The following PTPRS variants were observed in gnomAD, a reference collection of about 807,000 sequenced individuals.
PTPRS encodes the protein protein tyrosine phosphatase receptor type S, also known as receptor-type tyrosine-protein phosphatase S.
PTPRS carries 63 observed loss-of-function variants against 215.3 expected under a neutral mutation model. The ratio of observed to expected loss-of-function variants is 0.29; its 90% CI spans 0.24 to 0.36. PTPRS has a LOEUF of 0.36. PTPRS is among the 10% of genes least tolerant of loss of function. The pLI is 1.00. For synonymous variants in PTPRS, 1,404 were observed against 1,191.4 expected (o/e 1.18, Z -3.68); for missense variants, 2,258 against 2,825.8 (o/e 0.80, Z 4.56).
intron 12 of PTPRS, among the ~76,000 whole-genome samples, chr19:5,239,880 GGA>G (rs1346763826): frequency 2.0e-5 from 3 of 152,146 alleles, no homozygotes; most frequent in African/African-American, 7.2e-5. Context: ...CCGGAGGGAT[GGA>G]GAGTGAGCGT....
intron 1 of PTPRS, among the ~76,000 whole-genome samples, chr19:5,322,747 C>T (rs1030343876): frequency 4.0e-5 from 6 of 151,720 alleles, no homozygotes; most frequent in African/African-American, 1.5e-4. Context: ...GGCATGGTGG[C>T]GCACGCCTAT....
Position 5,295,260 on chromosome 19 carries a change from C to T in PTPRS, c.-94-9026G>A, listed in dbSNP as rs574802082. Among the ~76,000 whole-genome samples the T allele has an allele frequency of 3.2e-3, 486 of 152,350 alleles. 5 individuals carry two copies. Among genetic ancestry groups the T allele is most frequent in the African/African-American group, 0.011 (469 of 41,586 alleles). On this transcript the variant is annotated intron_variant, in intron 1 of 37. Coordinates refer to ENST00000262963, the MANE Select transcript of PTPRS (RefSeq NM_002850.4). This position sits in a 1 kb window ranked among gnomAD's most constrained non-coding sequence, Gnocchi z 4.6. ...GTCAGGAGGCTTGGGGCTGCATGAC[C>T]TGCAGCATACAGGCCTGGCTCTGGG... is the stretch of plus-strand genomic sequence containing the variant.
chr19:5,289,872 C>A (rs184382439), intron 1 of PTPRS, among the ~76,000 whole-genome samples: 5 of 152,282 alleles, frequency 3.3e-5, no homozygotes, highest in Admixed American at 3.3e-4. Context: ...CAGCCAGGAG[C>A]CCTACGTGGC....
Position 5,210,245 on chromosome 19 carries a change from A to G in PTPRS, c.5487+224T>C, listed in dbSNP as rs762606601. ...TCCTTGAATATCATCCCCTGGGGCC[A>G]TGTTCCCTAGTGAGTGGAGACACTG... On this transcript the variant is annotated intron_variant, in intron 35 of 37. Coordinates refer to ENST00000262963, the MANE Select transcript of PTPRS (RefSeq NM_002850.4). This position sits in a 1 kb window ranked among gnomAD's most constrained non-coding sequence, Gnocchi z 4.5. 6.6e-6 allele frequency among the ~76,000 whole-genome samples: 1 copy of G among 152,202 alleles called. No homozygotes were observed. The highest frequency in any genetic ancestry group is 1.5e-5 in the Non-Finnish European group (1 of 68,034).
At chr19:5,223,708 A>G (rs1361264637) in intron 17 of PTPRS, among the ~76,000 whole-genome samples, 1 of 150,892 alleles carries the variant, frequency 6.6e-6, no homozygotes, top group African/African-American at 2.4e-5. Flanking sequence ...GATTACAGGT[A>G]CACACCACCA....
chr19:5,308,472 A>G (rs915348157), intron 1 of PTPRS, among the ~76,000 whole-genome samples: 2 of 152,194 alleles, frequency 1.3e-5, no homozygotes, highest in African/African-American at 4.8e-5. Context: ...CAGTACATCC[A>G]CACGGAAGAG....
At chr19:5,269,838 C>T (rs1408284151) in intron 4 of PTPRS, among the ~76,000 whole-genome samples, 1 of 148,134 alleles carries the variant, frequency 6.8e-6, no homozygotes, top group Non-Finnish European at 1.5e-5. Flanking sequence ...GGAGAATTGC[C>T]TGAACCCAGG....
chr19:5,324,131 A>G (rs1213974715), intron 1 of PTPRS, among the ~76,000 whole-genome samples: 1 of 145,934 alleles, frequency 6.9e-6, no homozygotes, highest in Non-Finnish European at 1.5e-5. Context: ...CGGGAGGCTG[A>G]GGCAGGAGAA....
At chr19:5,253,758 G>A (rs1181929097) in intron 9 of PTPRS, among the ~76,000 whole-genome samples, 4 of 152,192 alleles carry the variant, frequency 2.6e-5, no homozygotes, top group Non-Finnish European at 5.9e-5. Flanking sequence ...GTGGACATGT[G>A]AAGTACATAA....
rs2040956452 is a variant in PTPRS at position 5,212,124 on chromosome 19, C to T, written c.4896G>A (p.Val1632=). The change falls in exon 32 of 38, where the codon GTG becomes GTA. Residue 1632 remains valine, a synonymous_variant. Transcript: ENST00000262963. Reference sequence around the variant, plus strand: ...TGAAGCTGTACTGGTCCTCCGTCTGCACCATGTAGTTGCGCTGGGACCTCA... The same window carrying T: ...TGAAGCTGTACTGGTCCTCCGTCTGTACCATGTAGTTGCGCTGGGACCTCA... The part of the protein sequence containing the change: ...TLMRSQRNYM[V]QTEDQYSFIH... The T allele has an allele frequency of 6.2e-6, 10 of 1,613,990 alleles. No homozygotes were observed. Among genetic ancestry groups the T allele is most frequent in the Non-Finnish European group, 8.5e-6 (10 of 1,180,056 alleles).
At chr19:5,306,169 G>A (rs2049487960) in intron 1 of PTPRS, among the ~76,000 whole-genome samples, 1 of 145,490 alleles carries the variant, frequency 6.9e-6, no homozygotes, top group Admixed American at 6.9e-5. Flanking sequence ...TTTTGAGACG[G>A]AGTCTCACTC....
rs549449179 is a variant in PTPRS at position 5,211,991 on chromosome 19, C to G, written c.5029G>C (p.Val1677Leu). Residue 1677 changes from valine to leucine, a missense_variant, in exon 32 of 38, where the codon GTC (valine) becomes CTC (leucine). Physicochemically the swap from Val to Leu is conservative, Grantham distance 32. This residue lies in a region of PTPRS where 927 missense variants were observed against 1,125.9 expected (regional missense o/e 0.82). Transcript: ENST00000262963. Reference protein sequence around the residue: ...KLAQVEPGEHVTGMELEFKRL... With the variant: ...KLAQVEPGEHLTGMELEFKRL... Reference sequence around the variant, plus strand: ...TTGAACTCGAGTTCCATGCCAGTGACGTGTTCGCCAGGCTCCACCTGGGCC... The same window carrying G: ...TTGAACTCGAGTTCCATGCCAGTGAGGTGTTCGCCAGGCTCCACCTGGGCC... 2 of 1,610,706 alleles carry G rather than the reference C, an allele frequency of 1.2e-6. No homozygotes were observed. Among genetic ancestry groups the G allele is most frequent in the Non-Finnish European group, 1.7e-6 (2 of 1,178,938 alleles).
Position 5,240,222 on chromosome 19 carries a change from G to A in PTPRS, c.1681C>T (p.Arg561Trp), listed in dbSNP as rs202189767. Residue 561 changes from arginine to tryptophan, a missense_variant, in exon 12 of 38, where the codon CGG becomes TGG. Physicochemically the swap from Arg to Trp is moderately radical, Grantham distance 101. Transcript: ENST00000262963. Reference sequence around the variant, plus strand: ...ACCTCCCGGCCATGGTCGCCTTCCCGGAAGAGGAGCTCGTACTTGATGATA... The same window carrying A: ...ACCTCCCGGCCATGGTCGCCTTCCCAGAAGAGGAGCTCGTACTTGATGATA... ...ESIIKYELLFREGDHGREVGR... is the reference protein window; with the variant it reads ...ESIIKYELLFWEGDHGREVGR... 1.3e-5 allele frequency: 20 copies of A among 1,554,328 alleles called. No homozygotes were observed. Among genetic ancestry groups the A allele is most frequent in the African/African-American group, 6.8e-5 (5 of 73,658 alleles).
chr19:5,320,750 T>C (rs1308110139), intron 1 of PTPRS, among the ~76,000 whole-genome samples: 3 of 151,712 alleles, frequency 2.0e-5, no homozygotes, highest in Non-Finnish European at 2.9e-5. Context: ...ATCGTCACAC[T>C]GTCCTCATGC....
intron 1 of PTPRS, among the ~76,000 whole-genome samples, chr19:5,311,651 T>C (rs1249106999): frequency 2.6e-5 from 4 of 152,152 alleles, no homozygotes; most frequent in Admixed American, 1.3e-4. Context: ...ATCAAAGCTG[T>C]TCAGGGGAGA....
At chr19:5,254,471 T>C (rs2045400754) in intron 9 of PTPRS, among the ~76,000 whole-genome samples, 1 of 151,498 alleles carries the variant, frequency 6.6e-6, no homozygotes, top group Admixed American at 6.6e-5. Flanking sequence ...GCGTGCCTTT[T>C]CTTGGGGAGG....
chr19:5,233,304 G>T (rs1022108470), intron 13 of PTPRS, among the ~76,000 whole-genome samples: 2 of 150,492 alleles, frequency 1.3e-5, no homozygotes, highest in Non-Finnish European at 1.5e-5. Flanking sequence ...TCTATTTATT[G>T]AACACCTACT....
At chr19:5,263,593 G>T (rs2046183308) in intron 5 of PTPRS, among the ~76,000 whole-genome samples, 1 of 152,204 alleles carries the variant, frequency 6.6e-6, no homozygotes, top group South Asian at 2.1e-4. Flanking sequence ...CCTGAACGAA[G>T]GCAGGGCGTC....
intron 14 of PTPRS, 139 bp downstream of exon 14, chr19:5,231,171 G>C: frequency 1.1e-6 from 1 of 915,928 alleles, no homozygotes; most frequent in East Asian, 2.7e-5. Context: ...GATTTCTCGG[G>C]GAGGCTGCTT....
Sources: allele counts gnomAD v4.1 joint callset (sites outside exome capture counted in the v4.1 genomes callset), GRCh38; gene constraint gnomAD v4.1.1; regional missense constraint gnomAD v4.1.1; non-coding constraint Gnocchi (gnomAD v3.1); transcripts MANE v1.5; gene names NCBI Gene and HGNC (gene_info 2026-07-23, HGNC 2026-07-21).